PNPLA3: variants seen among roughly 807,000 people sequenced by gnomAD.
PNPLA3 encodes 1-acylglycerol-3-phosphate O-acyltransferase PNPLA3.
In PNPLA3, 42 loss-of-function variants were observed where a neutral mutation model predicts 43.1. The ratio of observed to expected loss-of-function variants is 0.97; its 90% CI spans 0.76 to 1.26. The LOEUF (loss-of-function observed/expected upper bound fraction) is 1.26. Ranked by LOEUF, PNPLA3 falls within the 50% of genes most tolerant of loss-of-function variation. The probability of loss-of-function intolerance (pLI) is 0.00; values close to 1 mark genes in which losing one functional copy is unlikely to be tolerated. For synonymous variants in PNPLA3, 272 were observed against 253.6 expected (o/e 1.07, Z -0.69); for missense variants, 647 against 621.4 (o/e 1.04, Z -0.44).
Position 43,946,634 on chromosome 22 carries a change from A to C in PNPLA3, c.*252A>C, listed in dbSNP as rs2050065253. On this transcript the variant is annotated 3_prime_UTR_variant, in exon 9 of 9. Coordinates refer to ENST00000216180, the MANE Select transcript of PNPLA3 (RefSeq NM_025225.3). ...GAAATGACACCAGGAAGCCCAGTGC[A>C]GAGGGTCCCTTACTGACTGTTTCGT... 1.4e-6 allele frequency: 1 copy of C among 694,496 alleles called. No homozygotes were observed. The highest frequency in any genetic ancestry group is 1.8e-5 in the Admixed American group (1 of 55,692). The allele number at this position is 694,496 out of a possible 1,614,324, so 43.0% of individuals were successfully genotyped here.
In PNPLA3 at chr22:43,946,693, G is replaced by C; in HGVS notation, c.*311G>C. The C allele has an allele frequency of 3.5e-6, 2 of 574,440 alleles. No individual in the cohort carries two copies. The highest frequency in any genetic ancestry group is 2.8e-5 in the South Asian group (2 of 72,016). 35.6% of individuals were successfully genotyped at this position (574,440 alleles called of 1,614,324 possible). A position where few individuals can be genotyped will look rare whatever the true frequency, so the allele number is the denominator to read the frequency against. ...TAATGGTCAGACTGTTCCAGCATGA[G>C]GTTCTTAGAATGACAGGTGTTTGGA... On this transcript the variant is annotated 3_prime_UTR_variant, in exon 9 of 9. Coordinates refer to ENST00000216180, the MANE Select transcript of PNPLA3 (RefSeq NM_025225.3).
intron 5 of PNPLA3, among the ~76,000 whole-genome samples, chr22:43,935,103 T>C (rs1025589556): frequency 3.3e-5 from 5 of 152,200 alleles, no homozygotes; most frequent in Admixed American, 6.5e-5. Context: ...CCAAGCCCAC[T>C]AGACAAGTTT....
At chr22:43,934,745 C>T (rs949806698) in intron 5 of PNPLA3, 79 bp downstream of exon 5, 5 of 1,399,590 alleles carry the variant, frequency 3.6e-6, no homozygotes, top group Middle Eastern at 1.8e-4. Flanking sequence ...TTGAGATTTG[C>T]CTTAGTTCTA....
Position 43,944,811 on chromosome 22 carries a change from G to A in PNPLA3, c.1217+16G>A. 1.2e-6 allele frequency: 2 copies of A among 1,605,156 alleles called. No homozygotes were observed. On this transcript the variant is annotated intron_variant, in intron 8 of 8. Coordinates refer to ENST00000216180, the MANE Select transcript of PNPLA3 (RefSeq NM_025225.3). ...CCGCCTCCAGGTAAATACTTTGGCTGTGGGTGTGTGGGCCGGACGGGCACC... is the reference window on the plus strand; with the variant it reads ...CCGCCTCCAGGTAAATACTTTGGCTATGGGTGTGTGGGCCGGACGGGCACC...
intron 7 of PNPLA3, among the ~76,000 whole-genome samples, chr22:43,942,694 CTTTTTTCTTTTT>C (rs2050038256): frequency 7.7e-6 from 1 of 129,768 alleles, no homozygotes; most frequent in African/African-American, 2.9e-5. Context: ...CTTCCATTTT[CTTTTTTCTTTTT>C]TTTTTTTTTT....
chr22:43,924,093 C>T lies in PNPLA3; in HGVS notation c.182C>T (p.Pro61Leu), dbSNP rs773037001. 5 of 1,552,320 alleles carry T rather than the reference C, an allele frequency of 3.2e-6. No individual in the cohort carries two copies. The highest frequency in any genetic ancestry group is 2.3e-5 in the South Asian group (2 of 86,148). The change falls in exon 1 of 9, where the codon CCG becomes CTG. Residue 61 changes from proline (P) to leucine (L), a missense_variant. Physicochemically the swap from Pro to Leu is moderately conservative, Grantham distance 98 (BLOSUM62 -3). Coordinates refer to ENST00000216180, the MANE Select transcript of PNPLA3 (RefSeq NM_025225.3). ...TGCGTCGGCGTCCTCTCCGGTATCCCGCTGGGTGCGTCTGGGGACGCTGCC... is the reference window on the plus strand; with the variant it reads ...TGCGTCGGCGTCCTCTCCGGTATCCTGCTGGGTGCGTCTGGGGACGCTGCC... ...LHCVGVLSGI[P>L]LEQTLQVLSD...
rs2050001482 is a variant in PNPLA3, at chr22:43,937,233, G to A, written c.940G>A (p.Glu314Lys). The change falls in exon 6 of 9, where the codon GAG (glutamate) becomes AAG (lysine). Residue 314 changes from glutamate (E) to lysine (K), a missense_variant. By Grantham distance (56) the Glu-to-Lys change is moderately conservative. Transcript: ENST00000216180. ...HLRLSILPWD[E>K]SILDTLSPRL... ...GCGTCTCAGCATCCTGCCCTGGGATGAGAGCATCCTGGACACCCTCTCGCC... is the reference window on the plus strand; with the variant it reads ...GCGTCTCAGCATCCTGCCCTGGGATAAGAGCATCCTGGACACCCTCTCGCC... 2 of 1,613,950 alleles carry A rather than the reference G, an allele frequency of 1.2e-6. No homozygotes were observed. Among genetic ancestry groups the A allele is most frequent in the African/African-American group, 1.3e-5 (1 of 74,914 alleles).
chr22:43,931,282 A>T (rs1203083953), intron 3 of PNPLA3, among the ~76,000 whole-genome samples: 2 of 152,228 alleles, frequency 1.3e-5, no homozygotes, highest in African/African-American at 4.8e-5. Context: ...CAATGCAAGC[A>T]AATTCAAAGC....
intron 2 of PNPLA3, 67 bp downstream of exon 2, chr22:43,927,234 C>G: frequency 6.9e-7 from 1 of 1,446,354 alleles, no homozygotes; most frequent in Non-Finnish European, 9.6e-7. Context: ...TGTGGTGGCT[C>G]ATGCCTGTCA....
At chr22:43,941,756 T>C (rs1885788831) in intron 7 of PNPLA3, among the ~76,000 whole-genome samples, 1 of 151,984 alleles carries the variant, frequency 6.6e-6, no homozygotes, top group African/African-American at 2.4e-5. Flanking sequence ...AAAACCGACC[T>C]CAGTGGGTTG....
chr22:43,941,148 CAA>C (rs577344067), intron 7 of PNPLA3, among the ~76,000 whole-genome samples: 19 of 79,906 alleles, frequency 2.4e-4, no homozygotes, highest in African/African-American at 4.4e-4. Flanking sequence ...AACTCCGACT[CAA>C]AAAAAAAAAA....
intron 1 of PNPLA3, chr22:43,924,360 A>T: frequency 2.2e-6 from 1 of 462,734 alleles, no homozygotes; most frequent in Non-Finnish European, 3.8e-6. Flanking sequence ...TACCCCCATC[A>T]GGCGCCCGTG....
chr22:43,946,084 C>T (rs2050061033), intron 8 of PNPLA3, 70 bp from the exon 9 acceptor site: 16 of 1,443,580 alleles, frequency 1.1e-5, no homozygotes, highest in African/African-American at 1.4e-5. Flanking sequence ...AATGTGGGTC[C>T]ACCGTAGCTC....
chr22:43,926,706 C>G (rs2049924698), intron 1 of PNPLA3, among the ~76,000 whole-genome samples: 2 of 151,920 alleles, frequency 1.3e-5, no homozygotes. Context: ...TAAAAATTTA[C>G]TAATGAGATA....
At chr22:43,945,565 C>G (rs541544706) in intron 8 of PNPLA3, among the ~76,000 whole-genome samples, 7 of 152,284 alleles carry the variant, frequency 4.6e-5, no homozygotes, top group Middle Eastern at 6.8e-3. Context: ...GCCTCTCTTG[C>G]TATTGTTGTT....
chr22:43,935,088 T>G (rs1169016003), intron 5 of PNPLA3, among the ~76,000 whole-genome samples: 1 of 152,168 alleles, frequency 6.6e-6, no homozygotes, highest in African/African-American at 2.4e-5. Flanking sequence ...CAGTCAGGTG[T>G]GGGTCCAAGC....
intron 5 of PNPLA3, among the ~76,000 whole-genome samples, chr22:43,935,717 A>G (rs1322435428): frequency 6.6e-6 from 1 of 152,002 alleles, no homozygotes; most frequent in Non-Finnish European, 1.5e-5. Context: ...TGGGGACACT[A>G]AGAGATGACT....
In PNPLA3 at chr22:43,927,019, G is replaced by A; in HGVS notation, c.272G>A (p.Ser91Asn). The A allele has an allele frequency of 6.2e-7, 1 of 1,614,216 alleles. No individual in the cohort carries two copies. The highest frequency in any genetic ancestry group is 1.3e-5 in the African/African-American group (1 of 75,066). ...ATCTTCCATCCATCCTTCAACTTAA[G>A]CAAGTTCCTCCGACAGGGTCTCTGC... Reference protein sequence around the residue: ...IGIFHPSFNLSKFLRQGLCKC... With the variant: ...IGIFHPSFNLNKFLRQGLCKC... Residue 91 changes from serine (S) to asparagine (N), a missense_variant, in exon 2 of 9, where the codon AGC becomes AAC. Coordinates refer to ENST00000216180, the MANE Select transcript of PNPLA3 (RefSeq NM_025225.3).
chr22:43,924,074 G>C lies in PNPLA3; in HGVS notation c.163G>C (p.Gly55Arg), dbSNP rs1183490914. ...GASAGALHCV[G>R]VLSGIPLEQT... ...TTCGGCCGGGGCGTTGCACTGCGTC[G>C]GCGTCCTCTCCGGTATCCCGCTGGG... The change falls in exon 1 of 9, where the codon GGC becomes CGC. Residue 55 changes from glycine (G) to arginine (R), a missense_variant. By Grantham distance (125) the Gly-to-Arg change is moderately radical. Coordinates refer to ENST00000216180, the MANE Select transcript of PNPLA3 (RefSeq NM_025225.3). 2.6e-6 allele frequency: 4 copies of C among 1,567,716 alleles called. No individual in the cohort carries two copies. The Admixed American group carries it at 7.0e-5, about 28-fold the overall frequency.
Sources: gnomAD v4.1 joint callset for allele counts (sites outside exome capture counted in the v4.1 genomes callset) on GRCh38, gnomAD v4.1.1 for gene constraint, MANE v1.5 for transcripts, NCBI Gene and HGNC (gene_info 2026-07-23, HGNC 2026-07-21) for gene names.